ZNF112: variants seen among roughly 807,000 people sequenced by gnomAD.
ZNF112 encodes the protein zinc finger protein 112, also known as zinc finger protein 112 (Y14).
Under a neutral mutation model 77.7 loss-of-function variants are expected in ZNF112, and 37 were observed. The ratio of observed to expected loss-of-function variants is 0.48; its 90% CI spans 0.37 to 0.63. The LOEUF (loss-of-function observed/expected upper bound fraction) is 0.63, where lower values mean the gene tolerates loss of function less well. ZNF112 is among the 20% of genes least tolerant of loss of function. ZNF112 has a pLI of 0.00. For synonymous variants in ZNF112, 333 were observed against 363.6 expected, an observed-to-expected ratio of 0.92 and a Z score of 0.96; for missense variants, 950 against 1,077.4, an observed-to-expected ratio of 0.88 and a Z score of 1.66.
At chr19:44,362,733 A>G (rs1970866224) in intron 1 of ZNF112, among the ~76,000 whole-genome samples, 1 of 152,118 alleles carries the variant, frequency 6.6e-6, no homozygotes, top group Non-Finnish European at 1.5e-5. Context: ...ACACATATTA[A>G]AAAGAAAAAG....
chr19:44,346,821 T>C (rs1970598644), intron 1 of ZNF112, among the ~76,000 whole-genome samples: 1 of 152,084 alleles, frequency 6.6e-6, no homozygotes, highest in African/African-American at 2.4e-5. Flanking sequence ...AGATCAGAAA[T>C]AAGCAGCAGA....
Position 44,327,912 on chromosome 19 carries a change from C to T in ZNF112, c.2245G>A (p.Gly749Arg), listed in dbSNP as rs1970161742. Reference protein sequence around the residue: ...RVKPYKCEMCGKGFSQSSRLE... With the variant: ...RVKPYKCEMCRKGFSQSSRLE... ...CGCGAACTCTGACTAAAGCCCTTCC[C>T]ACACATCTCACATTTATACGGTTTC... Residue 749 changes from glycine (G) to arginine (R), a missense_variant, in exon 4 of 4, where the codon GGG becomes AGG. By Grantham distance (125) the Gly-to-Arg change is moderately radical (BLOSUM62 -2). Around this residue, in one of 3 missense-constraint regions of ZNF112, gnomAD observed 373 missense variants for 482.8 expected, o/e 0.77. Coordinates refer to ENST00000354340, the MANE Select transcript of ZNF112 (RefSeq NM_013380.4). The T allele has an allele frequency of 6.2e-7, 1 of 1,613,820 alleles. No homozygotes were observed. Among genetic ancestry groups the T allele is most frequent in the South Asian group, 1.1e-5 (1 of 91,078 alleles).
At chr19:44,354,624 C>T (rs2571063) in intron 1 of ZNF112, among the ~76,000 whole-genome samples, 114,602 of 152,018 alleles carry the variant, frequency 0.75, 43,490 homozygotes, top group African/African-American at 0.85. Context: ...ATTCCAATTC[C>T]ACACTGCAAA....
At chr19:44,344,376 C>T (rs1458210479) in intron 1 of ZNF112, among the ~76,000 whole-genome samples, 2 of 151,902 alleles carry the variant, frequency 1.3e-5, no homozygotes, top group East Asian at 3.9e-4. Context: ...AGAGAAAGAA[C>T]TGAAAAAAAT....
At chr19:44,341,292 C>T in intron 1 of ZNF112, 1 of 432,008 alleles carries the variant, frequency 2.3e-6, no homozygotes, top group South Asian at 1.7e-5. Flanking sequence ...TAATTTGATC[C>T]AACTAATGCA....
At chr19:44,339,300 T>C (rs1476283847) in intron 2 of ZNF112, among the ~76,000 whole-genome samples, 1 of 152,144 alleles carries the variant, frequency 6.6e-6, no homozygotes, top group Non-Finnish European at 1.5e-5. Flanking sequence ...GATTAGAGTG[T>C]CTTTCGTTTA....
chr19:44,341,838 T>A (rs1339638141), intron 1 of ZNF112, among the ~76,000 whole-genome samples: 1 of 152,258 alleles, frequency 6.6e-6, no homozygotes, highest in Admixed American at 6.5e-5. Context: ...CCCATATTTC[T>A]TCTGGCTGCA....
intron 1 of ZNF112, among the ~76,000 whole-genome samples, chr19:44,362,070 T>C (rs1970860015): frequency 6.6e-6 from 1 of 152,128 alleles, no homozygotes; most frequent in African/African-American, 2.4e-5. Flanking sequence ...CTATAATGAA[T>C]ATGAACATAC....
upstream of ZNF112, among the ~76,000 whole-genome samples, chr19:44,358,826 G>C (rs950186118): frequency 3.3e-5 from 5 of 151,954 alleles, no homozygotes; most frequent in African/African-American, 1.2e-4. Context: ...TGCTTTATGG[G>C]GCTGGAATGG....
chr19:44,338,385 G>C (rs1441614801), intron 2 of ZNF112, among the ~76,000 whole-genome samples: 1 of 152,116 alleles, frequency 6.6e-6, no homozygotes, highest in Non-Finnish European at 1.5e-5. Context: ...GAAAATACTT[G>C]TGTTACCCGA....
intron 2 of ZNF112, among the ~76,000 whole-genome samples, chr19:44,339,515 C>T (rs1970449752): frequency 6.6e-6 from 1 of 152,166 alleles, no homozygotes; most frequent in Admixed American, 6.5e-5. Context: ...GGCAATGCTC[C>T]TTACGTATTG....
Position 44,327,429 on chromosome 19 carries a change from G to A in ZNF112, c.*4C>T. 1 of 1,569,330 alleles carries A rather than the reference G, an allele frequency of 6.4e-7. No individual in the cohort carries two copies. Among genetic ancestry groups the A allele is most frequent in the Non-Finnish European group, 8.6e-7 (1 of 1,158,594 alleles). On this transcript the variant is annotated 3_prime_UTR_variant, in exon 4 of 4. Coordinates refer to ENST00000354340, the MANE Select transcript of ZNF112 (RefSeq NM_013380.4). ...TGGAAAATTTCAGCTCCCATTTGAG[G>A]ACTTCAAAACAAAACAGAATCTTCA...
chr19:44,365,251 C>G (rs1970892213), intron 1 of ZNF112, among the ~76,000 whole-genome samples: 1 of 151,906 alleles, frequency 6.6e-6, no homozygotes, highest in African/African-American at 2.4e-5. Flanking sequence ...CCCAGGAGTT[C>G]AAGACCAGCC....
At chr19:44,347,024 G>A (rs142177705) in intron 1 of ZNF112, among the ~76,000 whole-genome samples, 9 of 152,300 alleles carry the variant, frequency 5.9e-5, no homozygotes, top group Admixed American at 5.9e-4. Context: ...ATAAAAGAGT[G>A]TTGAGATTTC....
At chr19:44,331,341 T>C (rs1042304565) in intron 3 of ZNF112, among the ~76,000 whole-genome samples, 1 of 152,192 alleles carries the variant, frequency 6.6e-6, no homozygotes, top group African/African-American at 2.4e-5. Context: ...GAAAATTATG[T>C]TAGTGTTTAG....
upstream of ZNF112, among the ~76,000 whole-genome samples, chr19:44,356,949 G>C (rs1314049059): frequency 3.3e-5 from 5 of 152,180 alleles, no homozygotes; most frequent in Non-Finnish European, 7.3e-5. Flanking sequence ...TCCAAAGACA[G>C]AGAGCTCGTA....
Position 44,329,824 on chromosome 19 carries a change from G to C in ZNF112, c.333C>G (p.Ile111Met). Reference sequence around the variant, plus strand: ...AAACTTTCAGGAAATCTTGACACCTGATTAACCCACCTGCACTTTGTTGCC... The same window carrying C: ...AAACTTTCAGGAAATCTTGACACCTCATTAACCCACCTGCACTTTGTTGCC... ...QTWQQSAGGL[I>M]RCQDFLKVFQ... Residue 111 changes from isoleucine to methionine, a missense_variant, in exon 4 of 4, where the codon ATC (isoleucine) becomes ATG (methionine). Ile to Met is a conservative substitution (Grantham distance 10, BLOSUM62 1). This residue lies in a region of ZNF112 where 560 missense variants were observed against 557.3 expected (regional missense o/e 1.00). Coordinates refer to ENST00000354340, the MANE Select transcript of ZNF112 (RefSeq NM_013380.4). 2 of 1,613,936 alleles carry C rather than the reference G, an allele frequency of 1.2e-6. No homozygotes were observed. Among genetic ancestry groups the C allele is most frequent in the Non-Finnish European group, 1.7e-6 (2 of 1,179,984 alleles).
chr19:44,363,231 A>G (rs1323568674), intron 1 of ZNF112, among the ~76,000 whole-genome samples: 1 of 152,070 alleles, frequency 6.6e-6, no homozygotes, highest in African/African-American at 2.4e-5. Flanking sequence ...TTGGCCTCCT[A>G]AAGTGCTGGC....
chr19:44,343,491 G>A (rs1426287479), intron 1 of ZNF112, among the ~76,000 whole-genome samples: 2 of 152,206 alleles, frequency 1.3e-5, no homozygotes, highest in Non-Finnish European at 2.9e-5. Context: ...CATGCACGGA[G>A]CAACCTGCAC....
Sources: allele counts gnomAD v4.1 joint callset (sites outside exome capture counted in the v4.1 genomes callset), GRCh38; gene constraint gnomAD v4.1.1; regional missense constraint gnomAD v4.1.1; transcripts MANE v1.5; gene names NCBI Gene and HGNC (gene_info 2026-07-23, HGNC 2026-07-21).